MAGI2: variants seen among roughly 807,000 people sequenced by gnomAD.
MAGI2 encodes membrane associated guanylate kinase, WW and PDZ domain containing 2.
MAGI2 carries 35 observed loss-of-function variants against 133.3 expected under a neutral mutation model. The observed-to-expected ratio is 0.26, with a 90% CI of 0.20 to 0.35. The LOEUF (loss-of-function observed/expected upper bound fraction) is 0.35, where lower values mean the gene tolerates loss of function less well. Among genes scored for constraint, MAGI2 ranks in the 10% least tolerant of loss-of-function variants. The pLI, the probability that MAGI2 is intolerant of heterozygous loss-of-function variation, is 1.00. For synonymous variants in MAGI2, 729 were observed against 710.6 expected (o/e 1.03, Z -0.41); for missense variants, 1,636 against 1,863.4 (o/e 0.88, Z 2.25).
chr7:78,349,447 A>G (rs891961452), intron 7 of MAGI2, among the ~76,000 whole-genome samples: 3 of 152,168 alleles, frequency 2.0e-5, no homozygotes, highest in African/African-American at 7.2e-5. Flanking sequence ...TACATTACAA[A>G]AACTTTCTGG....
chr7:79,228,342 C>CA (rs1260829265), intron 1 of MAGI2, among the ~76,000 whole-genome samples: 22 of 7,602 alleles, frequency 2.9e-3, no homozygotes, highest in Non-Finnish European at 7.7e-3. Context: ...GACCCTGTCT[C>CA]AAAAAAACAG....
chr7:78,540,911 TC>T (rs1798362598), intron 3 of MAGI2, among the ~76,000 whole-genome samples: 1 of 152,242 alleles, frequency 6.6e-6, no homozygotes, highest in African/African-American at 2.4e-5. Context: ...GGCAGACTTT[TC>T]CCCTCTCACA....
chr7:79,073,186 T>C (rs1815150531), intron 1 of MAGI2, among the ~76,000 whole-genome samples: 1 of 152,220 alleles, frequency 6.6e-6, no homozygotes, highest in South Asian at 2.1e-4. Context: ...AGATGCCTAA[T>C]ATCAAGAAAA....
chr7:78,573,291 A>AATAT (rs796996861), intron 3 of MAGI2, among the ~76,000 whole-genome samples: 3 of 53,354 alleles, frequency 5.6e-5, no homozygotes, highest in Admixed American at 6.8e-4. Flanking sequence ...TATTTATATA[A>AATAT]ATATATATAT....
chr7:79,093,134 G>A (rs922985676), intron 1 of MAGI2, among the ~76,000 whole-genome samples: 1 of 151,196 alleles, frequency 6.6e-6, no homozygotes, highest in African/African-American at 2.4e-5. Flanking sequence ...GGCTTATTCT[G>A]GAATTGACAT....
chr7:78,138,173 CTA>C (rs1429515006), intron 16 of MAGI2, among the ~76,000 whole-genome samples: 1 of 152,170 alleles, frequency 6.6e-6, no homozygotes, highest in African/African-American at 2.4e-5. Context: ...GATCTCTAAT[CTA>C]TTACTTGCTT....
intron 3 of MAGI2, among the ~76,000 whole-genome samples, chr7:78,565,209 C>A (rs954679683): frequency 1.3e-5 from 2 of 151,878 alleles, no homozygotes; most frequent in Non-Finnish European, 2.9e-5. Context: ...CACCTGTAAT[C>A]CCAGCTACTC....
intron 1 of MAGI2, among the ~76,000 whole-genome samples, chr7:79,315,668 C>G (rs1237396599): frequency 6.6e-6 from 1 of 151,962 alleles, no homozygotes; most frequent in Non-Finnish European, 1.5e-5. Context: ...AAGCAGGATG[C>G]CCACAGGAAT....
At chr7:78,543,791 T>A (rs1054395472) in intron 3 of MAGI2, among the ~76,000 whole-genome samples, 1 of 152,220 alleles carries the variant, frequency 6.6e-6, no homozygotes, top group Non-Finnish European at 1.5e-5. Context: ...TATTTGGAAG[T>A]TTTATTTTAA....
chr7:78,459,323 T>C (rs1251304492), intron 6 of MAGI2, among the ~76,000 whole-genome samples: 1 of 152,200 alleles, frequency 6.6e-6, no homozygotes, highest in Non-Finnish European at 1.5e-5. Flanking sequence ...AGATACACTT[T>C]GCATAAACTT....
chr7:79,274,759 G>A (rs1006690445), intron 1 of MAGI2, among the ~76,000 whole-genome samples: 2 of 152,202 alleles, frequency 1.3e-5, no homozygotes, highest in African/African-American at 4.8e-5. Flanking sequence ...AAGTCTATCA[G>A]TGCCATTTTT....
chr7:78,558,022 C>T (rs1432179578), intron 3 of MAGI2, among the ~76,000 whole-genome samples: 2 of 151,832 alleles, frequency 1.3e-5, no homozygotes, highest in Non-Finnish European at 2.9e-5. Flanking sequence ...ACTAAATTCT[C>T]CTACTTAAAT....
At chr7:78,449,328 G>T (rs896776188) in intron 6 of MAGI2, among the ~76,000 whole-genome samples, 1 of 152,000 alleles carries the variant, frequency 6.6e-6, no homozygotes, top group African/African-American at 2.4e-5. Context: ...ACAACTGCAT[G>T]CCATCTGCAC....
intron 20 of MAGI2, among the ~76,000 whole-genome samples, chr7:78,114,016 C>G (rs2903949): frequency 0.23 from 35,510 of 152,090 alleles, 4,207 homozygotes; most frequent in Admixed American, 0.27. Context: ...TTGATCAAAG[C>G]TATAGAGCAG....
chr7:78,555,180 T>C (rs550377407), intron 3 of MAGI2, among the ~76,000 whole-genome samples: 15 of 124,632 alleles, frequency 1.2e-4, no homozygotes, highest in African/African-American at 4.0e-4. Context: ...AAATGAATGA[T>C]AGAGGACGGT....
chr7:78,296,124 T>G (rs1797210221), intron 9 of MAGI2, among the ~76,000 whole-genome samples: 1 of 152,154 alleles, frequency 6.6e-6, no homozygotes, highest in South Asian at 2.1e-4. Flanking sequence ...GAGTCCATTG[T>G]CAATCAGAGT....
intron 6 of MAGI2, among the ~76,000 whole-genome samples, chr7:78,467,263 A>G (rs971301044): frequency 1.3e-5 from 2 of 152,102 alleles, no homozygotes; most frequent in Non-Finnish European, 2.9e-5. Context: ...AAATAACCTT[A>G]AGGAATCAGC....
chr7:78,129,244 G>A (rs1821300335), intron 18 of MAGI2, among the ~76,000 whole-genome samples: 1 of 152,146 alleles, frequency 6.6e-6, no homozygotes. Context: ...AGGCCATCAG[G>A]CACTTAAACT....
intron 2 of MAGI2, among the ~76,000 whole-genome samples, chr7:78,645,393 A>C (rs1254072938): frequency 6.6e-6 from 1 of 152,214 alleles, no homozygotes; most frequent in African/African-American, 2.4e-5. Flanking sequence ...ATGAACATAC[A>C]TACAAAAAAC....
Sources: allele counts gnomAD v4.1 joint callset (sites outside exome capture counted in the v4.1 genomes callset), GRCh38; gene constraint gnomAD v4.1.1; transcripts MANE v1.5; gene names NCBI Gene and HGNC (gene_info 2026-07-23, HGNC 2026-07-21).